EPM2A: variants seen among roughly 807,000 people sequenced by gnomAD.
The protein encoded by EPM2A is EPM2A glucan phosphatase, laforin.
A neutral mutation model predicts 26.5 loss-of-function variants in EPM2A; 21 were observed. The observed-to-expected ratio is 0.79, with a 90% CI of 0.56 to 1.14. The LOEUF (loss-of-function observed/expected upper bound fraction) is 1.14, where lower values mean the gene tolerates loss of function less well. Ranked by LOEUF, EPM2A falls within the 50% of genes most tolerant of loss-of-function variation. The pLI, the probability that EPM2A is intolerant of heterozygous loss-of-function variation, is 0.00. For synonymous variants in EPM2A, 217 were observed against 177.6 expected (o/e 1.22, Z -1.76); for missense variants, 458 against 440.8 (o/e 1.04, Z -0.35).
rs78507504 is a variant in EPM2A at position 145,423,946 on chromosome 6, T to C, written c.556-39849A>G. On this transcript the variant is annotated intron_variant, in intron 4 of 4. Coordinates refer to the EPM2A transcript ENST00000638717. Reference sequence around the variant, plus strand: ...TATTGGGCTGGGGACAAAGTAGGAATCTCTGCCAGAAACCAGAGTGTCTCT... The same window carrying C: ...TATTGGGCTGGGGACAAAGTAGGAACCTCTGCCAGAAACCAGAGTGTCTCT... 3.1e-3 allele frequency among the ~76,000 whole-genome samples: 470 copies of C among 152,270 alleles called. 10 individuals carry two copies. The East Asian group carries it at 0.054, about 17-fold the overall frequency.
At chr6:145,667,884 AATC>A (rs1779336501) in intron 2 of EPM2A, among the ~76,000 whole-genome samples, 1 of 151,070 alleles carries the variant, frequency 6.6e-6, no homozygotes, top group Non-Finnish European at 1.5e-5. Flanking sequence ...TGAAATTGGA[AATC>A]ATCATTCTCA....
intron 3 of EPM2A, 167 bp from the exon 4 acceptor site, chr6:145,627,860 C>G: frequency 1.1e-6 from 1 of 943,034 alleles, no homozygotes; most frequent in South Asian, 1.6e-5. Context: ...GACCATTTTA[C>G]AATCTGCTAA....
chr6:145,735,694 A>T (rs1776842199), upstream of EPM2A: 1 of 1,052,142 alleles, frequency 9.5e-7, no homozygotes, highest in Non-Finnish European at 1.2e-6. Context: ...GCCGGCGGGA[A>T]GGGGTCAGCG....
rs577890256 is a variant in EPM2A, at chr6:145,578,452, A to G, written c.340+56793T>C. On this transcript the variant is annotated intron_variant, in intron 2 of 3. Transcript: ENST00000450221. ...ATTGAGAAACCTAGAAGAAATGGAT[A>G]AACTCTCAGACAATAGAACCTTCCA... 8.5e-5 allele frequency among the ~76,000 whole-genome samples: 13 copies of G among 152,298 alleles called. No individual in the cohort carries two copies. In the East Asian group the frequency reaches 2.3e-3, roughly 27 times the overall value.
intron 1 of EPM2A, among the ~76,000 whole-genome samples, chr6:145,693,349 C>T (rs1406436259): frequency 6.6e-6 from 1 of 152,006 alleles, no homozygotes; most frequent in Admixed American, 6.5e-5. Flanking sequence ...AAAATCATAT[C>T]ATCTGCAAAC....
At chr6:145,631,970 C>G (rs1404012581) in intron 3 of EPM2A, 1 of 151,588 alleles carries the variant, frequency 6.6e-6, no homozygotes, top group Non-Finnish European at 1.5e-5. Context: ...TTTTTTCCAT[C>G]TTTGAAGTGT....
chr6:145,722,100 A>G (rs1775976910), intron 1 of EPM2A, among the ~76,000 whole-genome samples: 1 of 152,242 alleles, frequency 6.6e-6, no homozygotes, highest in Non-Finnish European at 1.5e-5. Flanking sequence ...GGGGGGAGAT[A>G]GAATGAGAAA....
chr6:145,708,390 G>A (rs1449756803), intron 1 of EPM2A, among the ~76,000 whole-genome samples: 1 of 152,132 alleles, frequency 6.6e-6, no homozygotes, highest in Non-Finnish European at 1.5e-5. Context: ...AGAAGCAGGA[G>A]GAAAAAATGG....
chr6:145,680,661 G>A (rs1258260421), intron 2 of EPM2A, among the ~76,000 whole-genome samples: 2 of 151,564 alleles, frequency 1.3e-5, no homozygotes, highest in African/African-American at 2.4e-5. Context: ...TTGTCCTTGT[G>A]ATACTTTGCT....
At chr6:145,591,705 A>G (rs1781275410) in intron 2 of EPM2A, among the ~76,000 whole-genome samples, 1 of 152,146 alleles carries the variant, frequency 6.6e-6, no homozygotes, top group African/African-American at 2.4e-5. Flanking sequence ...CTCTTCAGAA[A>G]GAAAGAAAAT....
chr6:145,658,140 A>G (rs908057256), intron 2 of EPM2A, among the ~76,000 whole-genome samples: 5 of 152,246 alleles, frequency 3.3e-5, no homozygotes, highest in African/African-American at 1.2e-4. Flanking sequence ...AAGTTGAAGA[A>G]ATTAGTCAGG....
At chr6:145,439,736 G>A (rs936970157) in intron 4 of EPM2A, among the ~76,000 whole-genome samples, 7 of 152,104 alleles carry the variant, frequency 4.6e-5, no homozygotes, top group Non-Finnish European at 1.0e-4. Context: ...CAGATGCATA[G>A]TTTGCAAATA....
intron 2 of EPM2A, among the ~76,000 whole-genome samples, chr6:145,661,292 T>G (rs1778688941): frequency 6.6e-6 from 1 of 152,236 alleles, no homozygotes; most frequent in African/African-American, 2.4e-5. Context: ...GTGAATTAAC[T>G]GGTGCATTAC....
intron 2 of EPM2A, among the ~76,000 whole-genome samples, chr6:145,658,933 A>G (rs1041619032): frequency 6.6e-6 from 1 of 152,114 alleles, no homozygotes; most frequent in Non-Finnish European, 1.5e-5. Context: ...AATTCCAGAA[A>G]GATTTTTCAG....
chr6:145,551,338 G>T (rs917063014), intron 2 of EPM2A, among the ~76,000 whole-genome samples: 7 of 151,988 alleles, frequency 4.6e-5, no homozygotes, highest in African/African-American at 1.4e-4. Context: ...TTGCCCTGAG[G>T]ATTTCTGCTG....
At chr6:145,581,729 C>T (rs1381112120) in intron 2 of EPM2A, among the ~76,000 whole-genome samples, 1 of 152,188 alleles carries the variant, frequency 6.6e-6, no homozygotes, top group Non-Finnish European at 1.5e-5. Context: ...ATCCCAACAC[C>T]ATTTATTGAA....
intron 1 of EPM2A, among the ~76,000 whole-genome samples, chr6:145,689,453 C>CA (rs1271165085): frequency 6.6e-6 from 1 of 152,148 alleles, no homozygotes; most frequent in Non-Finnish European, 1.5e-5. Flanking sequence ...GAGAAGAAGA[C>CA]AGACTATCCA....
intron 1 of EPM2A, among the ~76,000 whole-genome samples, chr6:145,704,303 G>A (rs1162200581): frequency 6.6e-6 from 1 of 152,084 alleles, no homozygotes; most frequent in African/African-American, 2.4e-5. Context: ...ATTTAAAATA[G>A]TTATCAAATT....
chr6:145,509,574 G>C (rs1780025191), intron 2 of EPM2A, among the ~76,000 whole-genome samples: 1 of 152,140 alleles, frequency 6.6e-6, no homozygotes, highest in Admixed American at 6.5e-5. Flanking sequence ...GGCCCTATAA[G>C]AGATGCTTAA....
Sources: gnomAD v4.1 joint callset for allele counts (sites outside exome capture counted in the v4.1 genomes callset) on GRCh38, gnomAD v4.1.1 for gene constraint, MANE v1.5 for transcripts, NCBI Gene and HGNC (gene_info 2026-07-23, HGNC 2026-07-21) for gene names.